Variants in COL5A1 observed in about 807,000 individuals in gnomAD.
COL5A1 encodes collagen alpha-1(V) chain.
COL5A1 carries 16 observed loss-of-function variants against 263.7 expected under a neutral mutation model. The observed-to-expected ratio is 0.06, with a 90% CI of 0.04 to 0.09. The LOEUF (loss-of-function observed/expected upper bound fraction) is 0.09, where lower values mean the gene tolerates loss of function less well. Ranked by LOEUF, COL5A1 falls within the 10% of genes least tolerant of loss-of-function variation. The probability of loss-of-function intolerance (pLI) is 1.00; values close to 1 mark genes in which losing one functional copy is unlikely to be tolerated. For synonymous variants in COL5A1, 1,012 were observed against 1,004.5 expected (o/e 1.01, Z -0.14); for missense variants, 2,036 against 2,540.5 (o/e 0.80, Z 4.27).
chr9:134,817,009 C>T lies in COL5A1; in HGVS notation c.4123-17C>T, dbSNP rs1337603051. On this transcript the variant is annotated splice_polypyrimidine_tract_variant and intron_variant, in intron 52 of 65. Coordinates refer to ENST00000371817, the MANE Select transcript of COL5A1 (RefSeq NM_000093.5). Reference sequence around the variant, plus strand: ...GGGCCCCAATTCCTCACACTCTGTTCTTTCTCCCAATACCAGGGATCCCCC... The same window carrying T: ...GGGCCCCAATTCCTCACACTCTGTTTTTTCTCCCAATACCAGGGATCCCCC... 1.9e-6 allele frequency: 3 copies of T among 1,613,342 alleles called. No homozygotes were observed. The South Asian group carries it at 3.3e-5, about 18-fold the overall frequency.
At chr9:134,792,209 C>T (rs764703232) in intron 32 of COL5A1, among the ~76,000 whole-genome samples, 45 of 152,144 alleles carry the variant, frequency 3.0e-4, no homozygotes, top group Non-Finnish European at 5.7e-4. Context: ...AGCTCTTTAT[C>T]CTGAGGCACT....
intron 4 of COL5A1, 141 bp downstream of exon 4, chr9:134,701,474 C>A: frequency 1.2e-6 from 1 of 849,944 alleles, no homozygotes; most frequent in South Asian, 1.4e-5. Context: ...GGTCAGAAGC[C>A]TCTGCTGCCA....
intron 18 of COL5A1, among the ~76,000 whole-genome samples, chr9:134,759,310 C>A (rs1001942251): frequency 1.2e-4 from 17 of 142,302 alleles, no homozygotes; most frequent in Middle Eastern, 3.8e-3. Context: ...CCACACACCC[C>A]CACACTCATA....
At chr9:134,806,619 A>G (rs926339148) in intron 42 of COL5A1, among the ~76,000 whole-genome samples, 2 of 152,176 alleles carry the variant, frequency 1.3e-5, no homozygotes, top group Admixed American at 6.5e-5. Flanking sequence ...GGACAGAGGA[A>G]GGGGCCGAAG....
At position 134,823,433 on chromosome 9, in the gene COL5A1, G is replaced by A. The variant is rs1237229841; in HGVS notation, c.4662G>A (p.Lys1554=). The part of the protein sequence containing the change: ...AKGSSGPTGP[K]GEAGHPGPPG... ...CTCCCCAGGGTCCAACTGGCCCGAAGGGTGAGGCAGGCCACCCAGGACCCC... is the reference window on the plus strand; with the variant it reads ...CTCCCCAGGGTCCAACTGGCCCGAAAGGTGAGGCAGGCCACCCAGGACCCC... The change falls in exon 61 of 66, where the codon AAG becomes AAA. Residue 1554 remains lysine, a synonymous_variant. Coordinates refer to ENST00000371817, the MANE Select transcript of COL5A1 (RefSeq NM_000093.5). 6.2e-7 allele frequency: 1 copy of A among 1,614,234 alleles called. No individual in the cohort carries two copies. The highest frequency in any genetic ancestry group is 8.5e-7 in the Non-Finnish European group (1 of 1,180,026).
intron 11 of COL5A1, among the ~76,000 whole-genome samples, chr9:134,739,401 A>C (rs1835221185): frequency 6.6e-6 from 1 of 152,186 alleles, no homozygotes; most frequent in South Asian, 2.1e-4. Context: ...TGTGGATTTG[A>C]GTGCAGAAGG....
At chr9:134,822,038 C>A in intron 58 of COL5A1, 59 bp from the exon 59 acceptor site, 1 of 1,481,474 alleles carries the variant, frequency 6.8e-7, no homozygotes, top group African/African-American at 1.4e-5. Context: ...AGCAGGGTTG[C>A]AGCCCCGCAG....
At chr9:134,771,720 T>C (rs936052016) in intron 25 of COL5A1, among the ~76,000 whole-genome samples, 5 of 152,198 alleles carry the variant, frequency 3.3e-5, no homozygotes, top group Non-Finnish European at 7.3e-5. Flanking sequence ...TCTCGTGTTA[T>C]ACCTGAGGAA....
rs566668310 is a variant in COL5A1, at chr9:134,791,639, C to T, written c.2700+2431C>T. The stretch of plus-strand genomic sequence containing the variant: ...CTTCCTCTTTTGTTGACTGCAGAAG[C>T]CTCACTTAGGTTACCCAGAAGCCTC... On this transcript the variant is annotated intron_variant, in intron 32 of 65. Coordinates refer to ENST00000371817, the MANE Select transcript of COL5A1 (RefSeq NM_000093.5). 8.2e-4 allele frequency among the ~76,000 whole-genome samples: 125 copies of T among 151,898 alleles called. 2 individuals carry two copies. Among genetic ancestry groups the T allele is most frequent in the Non-Finnish European group, 5.4e-4 (37 of 67,998 alleles).
intron 60 of COL5A1, 147 bp downstream of exon 60, chr9:134,823,180 G>A (rs539782026): frequency 1.8e-6 from 2 of 1,098,014 alleles, no homozygotes; most frequent in African/African-American, 3.1e-5. Context: ...ACTGACCCAT[G>A]GCGGACTGAG....
intron 6 of COL5A1, among the ~76,000 whole-genome samples, chr9:134,729,583 C>T (rs1382490217): frequency 1.6e-3 from 76 of 46,686 alleles, no homozygotes; most frequent in Middle Eastern, 0.043. Context: ...CGTGTGTGAG[C>T]GTGTGTGCAT....
chr9:134,744,702 T>C (rs1409575047), intron 11 of COL5A1, among the ~76,000 whole-genome samples: 2 of 143,028 alleles, frequency 1.4e-5, no homozygotes, highest in South Asian at 2.2e-4. Context: ...CACACACCCA[T>C]ACATGCTCTC....
chr9:134,731,388 A>T, intron 7 of COL5A1, 108 bp from the exon 8 acceptor site: 1 of 1,125,990 alleles, frequency 8.9e-7, no homozygotes, highest in South Asian at 1.3e-5. Flanking sequence ...TGGATCTGGG[A>T]TCTCTGCCCA....
chr9:134,798,328 C>T, intron 36 of COL5A1, 80 bp from the exon 37 acceptor site: 1 of 1,293,916 alleles, frequency 7.7e-7, no homozygotes, highest in Non-Finnish European at 1.1e-6. Flanking sequence ...AAATAACGGT[C>T]ACTCCACGTG....
At chr9:134,811,207 G>A (rs1440152410) in intron 44 of COL5A1, 132 bp from the exon 45 acceptor site, 1 of 840,906 alleles carries the variant, frequency 1.2e-6, no homozygotes, top group Non-Finnish European at 2.1e-6. Context: ...GTGGTGCAAG[G>A]AACGACACAT....
chr9:134,672,338 T>C (rs1236767330), intron 1 of COL5A1, among the ~76,000 whole-genome samples: 3 of 152,250 alleles, frequency 2.0e-5, no homozygotes, highest in Admixed American at 2.0e-4. Flanking sequence ...ATGATGGTGA[T>C]GGTGATGATT....
At chr9:134,655,121 A>T (rs1588407936) in intron 1 of COL5A1, among the ~76,000 whole-genome samples, 1 of 114,460 alleles carries the variant, frequency 8.7e-6, no homozygotes, top group Non-Finnish European at 1.8e-5. Context: ...GGGGGTGTGT[A>T]GGGCTGGTGT....
At position 134,700,088 on chromosome 9, in the gene COL5A1, C is replaced by A; in HGVS notation, c.457C>A (p.Pro153Thr). 3.7e-6 allele frequency: 6 copies of A among 1,610,040 alleles called. No individual in the cohort carries two copies. The highest frequency in any genetic ancestry group is 5.1e-6 in the Non-Finnish European group (6 of 1,179,992). Residue 153 changes from proline (P) to threonine (T), a missense_variant, in exon 3 of 66, where the codon CCC becomes ACC. Pro to Thr is a conservative substitution (Grantham distance 38). Around this residue, in one of 3 missense-constraint regions of COL5A1, gnomAD observed 600 missense variants for 634.5 expected, o/e 0.95. Coordinates refer to ENST00000371817, the MANE Select transcript of COL5A1 (RefSeq NM_000093.5). The surrounding 1 kb of genome is among the most constrained non-coding windows in gnomAD (Gnocchi z 4.0). The part of the protein sequence containing the change: ...HTGKPGPEDY[P>T]LFRGINLSDG... Reference sequence around the variant, plus strand: ...GGGGAAGCCTGGCCCGGAAGACTACCCCCTCTTCCGGGGCATCAACCTGTC... The same window carrying A: ...GGGGAAGCCTGGCCCGGAAGACTACACCCTCTTCCGGGGCATCAACCTGTC...
chr9:134,781,319 G>A (rs769611759), intron 28 of COL5A1, among the ~76,000 whole-genome samples: 36 of 152,372 alleles, frequency 2.4e-4, no homozygotes, highest in Middle Eastern at 3.4e-3. Flanking sequence ...AAGGGCATCC[G>A]CACAGCGGAA....
Sources: allele counts gnomAD v4.1 joint callset (sites outside exome capture counted in the v4.1 genomes callset), GRCh38; gene constraint gnomAD v4.1.1; regional missense constraint gnomAD v4.1.1; non-coding constraint Gnocchi (gnomAD v3.1); transcripts MANE v1.5; gene names NCBI Gene and HGNC (gene_info 2026-07-23, HGNC 2026-07-21).